The following STMN2 variants were observed in gnomAD, a reference collection of about 807,000 sequenced individuals.
STMN2 encodes the protein stathmin 2, also known as stathmin-2.
Under a neutral mutation model 24.1 loss-of-function variants are expected in STMN2, and 2 were observed. The observed-to-expected ratio is 0.08, with a 90% CI of 0.03 to 0.26. The LOEUF is 0.26. Ranked by LOEUF, STMN2 falls within the 10% of genes least tolerant of loss-of-function variation. The pLI, the probability that STMN2 is intolerant of heterozygous loss-of-function variation, is 1.00. For missense variants in STMN2, 114 were observed against 213.6 expected, an observed-to-expected ratio of 0.53 and a Z score of 2.91; for synonymous variants, 83 against 77.5, an observed-to-expected ratio of 1.07 and a Z score of -0.37.
intron 4 of STMN2, 139 bp from the exon 5 acceptor site, chr8:79,664,676 G>T: frequency 5.6e-6 from 3 of 531,588 alleles, no homozygotes; most frequent in Non-Finnish European, 6.4e-6. Flanking sequence ...CATTTTGCAG[G>T]GCCCATATTT....
intron 1 of STMN2, among the ~76,000 whole-genome samples, chr8:79,621,597 A>G (rs1809517235): frequency 6.6e-6 from 1 of 152,078 alleles, no homozygotes; most frequent in South Asian, 2.1e-4. Context: ...GAAGCAATTA[A>G]CTCATTCAAC....
At chr8:79,664,748 C>T (rs1005719820) in intron 4 of STMN2, 67 bp from the exon 5 acceptor site, 51 of 1,514,248 alleles carry the variant, frequency 3.4e-5, no homozygotes, top group East Asian at 1.7e-4. Flanking sequence ...TCTAGTCAAG[C>T]GCATGGTACG....
chr8:79,647,182 T>C (rs904213980), intron 3 of STMN2, among the ~76,000 whole-genome samples: 1 of 152,200 alleles, frequency 6.6e-6, no homozygotes, highest in Non-Finnish European at 1.5e-5. Flanking sequence ...CATATTACTT[T>C]TAAATAACTA....
rs138591342 is a variant in STMN2, at chr8:79,638,381, C to T, written c.115+1484C>T. ...GAAATAAGCTGTTTTTATTTGCCTG[C>T]GTTCTCTTATAATCCTTTTCCATAG... On this transcript the variant is annotated intron_variant, in intron 2 of 4. Coordinates refer to ENST00000220876, the MANE Select transcript of STMN2 (RefSeq NM_007029.4). Among the ~76,000 whole-genome samples, 1,086 of 152,216 alleles carry T rather than the reference C, an allele frequency of 7.1e-3. 22 individuals carry two copies. The highest frequency in any genetic ancestry group is 0.025 in the African/African-American group (1,028 of 41,528).
intron 3 of STMN2, among the ~76,000 whole-genome samples, chr8:79,653,206 A>C (rs1810373523): frequency 6.6e-6 from 1 of 151,948 alleles, no homozygotes; most frequent in East Asian, 1.9e-4. Flanking sequence ...ACGAAACCCC[A>C]TCTCTACTAA....
chr8:79,646,508 G>A lies in STMN2; in HGVS notation c.288+4958G>A, dbSNP rs192006446. 6.0e-4 allele frequency among the ~76,000 whole-genome samples: 91 copies of A among 152,182 alleles called. 1 individual carries two copies. The highest frequency in any genetic ancestry group is 1.3e-3 in the Admixed American group (20 of 15,276). On this transcript the variant is annotated intron_variant, in intron 3 of 4. Coordinates refer to ENST00000220876, the MANE Select transcript of STMN2 (RefSeq NM_007029.4). ...GAAAAGAAGCACAAAGGTAGCAAGGGAGTAGGGCGGGCAGCTCTTCTCTGG... is the reference window on the plus strand; with the variant it reads ...GAAAAGAAGCACAAAGGTAGCAAGGAAGTAGGGCGGGCAGCTCTTCTCTGG...
chr8:79,630,130 ACAAT>A (rs1809764492), intron 1 of STMN2, among the ~76,000 whole-genome samples: 1 of 152,202 alleles, frequency 6.6e-6, no homozygotes, highest in African/African-American at 2.4e-5. Context: ...TTATCTAAAG[ACAAT>A]CAACCCCATC....
At chr8:79,658,666 T>G (rs1209631708) in intron 4 of STMN2, among the ~76,000 whole-genome samples, 1 of 152,200 alleles carries the variant, frequency 6.6e-6, no homozygotes, top group Non-Finnish European at 1.5e-5. Context: ...CTGTGCAAGC[T>G]TTTCCACAAT....
Position 79,613,384 on chromosome 8 carries a change from C to G in STMN2, c.19+2170C>G, listed in dbSNP as rs534527054. 305 of 985,428 alleles carry G rather than the reference C, an allele frequency of 3.1e-4. 2 individuals are homozygous for G. In the South Asian group the frequency reaches 6.8e-3, roughly 22 times the overall value. 61.0% of individuals were successfully genotyped at this position (985,428 alleles called of 1,614,324 possible). A position where few individuals can be genotyped will look rare whatever the true frequency, so the allele number is the denominator to read the frequency against. On this transcript the variant is annotated intron_variant, in intron 1 of 4. Transcript: ENST00000220876. ...CGCGCCGCGCCCTGCGCTCCCCTCC[C>G]CGGAGTTGGGCGCTCGCCCCCGCGG...
chr8:79,618,729 A>G (rs959724164), intron 1 of STMN2, among the ~76,000 whole-genome samples: 8 of 152,198 alleles, frequency 5.3e-5, no homozygotes, highest in African/African-American at 1.9e-4. Context: ...ATGATTAAAG[A>G]TAACATTTGT....
rs1352110866 is a variant in STMN2 at position 79,628,048 on chromosome 8, T to C, written c.20-8754T>C. Among the ~76,000 whole-genome samples, 3 of 152,252 alleles carry C rather than the reference T, an allele frequency of 2.0e-5. No homozygotes were observed. The East Asian group carries it at 5.8e-4, about 29-fold the overall frequency. Reference sequence around the variant, plus strand: ...TCCATATCTTGGGTCTTGTGAATAATGATGCAGTGAACATAGGAGTGCAGA... The same window carrying C: ...TCCATATCTTGGGTCTTGTGAATAACGATGCAGTGAACATAGGAGTGCAGA... On this transcript the variant is annotated intron_variant, in intron 1 of 4. Transcript: ENST00000220876.
intron 1 of STMN2, among the ~76,000 whole-genome samples, chr8:79,632,171 AT>A (rs1809816141): frequency 6.6e-6 from 1 of 152,176 alleles, no homozygotes; most frequent in South Asian, 2.1e-4. Flanking sequence ...CTGCCTGGAA[AT>A]GACAGGGGTT....
At chr8:79,650,528 AT>A (rs1324181581) in intron 3 of STMN2, among the ~76,000 whole-genome samples, 13 of 152,142 alleles carry the variant, frequency 8.5e-5, no homozygotes, top group African/African-American at 3.1e-4. Context: ...TAAACTGCCT[AT>A]TTGCTCATTG....
At chr8:79,653,068 T>C (rs1198483789) in intron 3 of STMN2, among the ~76,000 whole-genome samples, 1 of 152,122 alleles carries the variant, frequency 6.6e-6, no homozygotes, top group Non-Finnish European at 1.5e-5. Flanking sequence ...TAAGAAAGCA[T>C]TGGTTCCACT....
At chr8:79,646,771 A>G (rs1283433448) in intron 3 of STMN2, among the ~76,000 whole-genome samples, 3 of 152,196 alleles carry the variant, frequency 2.0e-5, no homozygotes, top group African/African-American at 4.8e-5. Context: ...CATCTTTTTA[A>G]AGAAGTATCC....
chr8:79,628,923 T>G (rs1809731907), intron 1 of STMN2, among the ~76,000 whole-genome samples: 1 of 152,244 alleles, frequency 6.6e-6, no homozygotes, highest in East Asian at 1.9e-4. Context: ...TTAGGTTGTT[T>G]GCAGAAAATT....
chr8:79,649,509 T>A (rs867643563), intron 3 of STMN2, among the ~76,000 whole-genome samples: 2 of 152,202 alleles, frequency 1.3e-5, no homozygotes, highest in Non-Finnish European at 2.9e-5. Flanking sequence ...CAACAGGACA[T>A]TATTTGTGAC....
chr8:79,645,952 T>C (rs944955715), intron 3 of STMN2, among the ~76,000 whole-genome samples: 8 of 152,230 alleles, frequency 5.3e-5, no homozygotes, highest in Admixed American at 3.3e-4. Flanking sequence ...AAGATAGAAC[T>C]TGTCTTTTGT....
Position 79,654,931 on chromosome 8 carries a change from C to T in STMN2, c.349C>T (p.Leu117Phe), listed in dbSNP as rs267602009. The T allele has an allele frequency of 6.2e-7, 1 of 1,613,848 alleles. No individual in the cohort carries two copies. The highest frequency in any genetic ancestry group is 8.5e-7 in the Non-Finnish European group (1 of 1,179,874). ...AEKREHEREV[L>F]QKALEENNNF... is the part of the protein sequence containing the mutation. ...GAAGAGGGAACACGAGCGAGAAGTC[C>T]TTCAGAAGGCTTTGGAGGAGAACAA... is the stretch of plus-strand genomic sequence containing the variant. Residue 117 changes from leucine to phenylalanine, a missense_variant, in exon 4 of 5, where the codon CTT becomes TTT. Coordinates refer to ENST00000220876, the MANE Select transcript of STMN2 (RefSeq NM_007029.4).
Sources: allele counts gnomAD v4.1 joint callset (sites outside exome capture counted in the v4.1 genomes callset), GRCh38; gene constraint gnomAD v4.1.1; transcripts MANE v1.5; gene names NCBI Gene and HGNC (gene_info 2026-07-23, HGNC 2026-07-21).